The following HAUS5 variants were observed in gnomAD, a reference collection of about 807,000 sequenced individuals.
HAUS5 encodes HAUS augmin-like complex subunit 5.
Under a neutral mutation model 94.1 loss-of-function variants are expected in HAUS5, and 67 were observed. The ratio of observed to expected loss-of-function variants is 0.71; its 90% CI spans 0.58 to 0.87. The LOEUF is 0.87. Ranked by LOEUF, HAUS5 falls within the 40% of genes least tolerant of loss-of-function variation. HAUS5 has a pLI of 0.00. For synonymous variants in HAUS5, 339 were observed against 355.4 expected (o/e 0.95, Z 0.52); for missense variants, 739 against 825.6 (o/e 0.90, Z 1.29).
intron 1 of HAUS5, among the ~76,000 whole-genome samples, chr19:35,613,101 C>T (rs531101697): frequency 6.6e-6 from 1 of 152,294 alleles, no homozygotes; most frequent in Admixed American, 6.5e-5. Flanking sequence ...AGACCTCGCT[C>T]CTTATGGAAA....
chr19:35,618,315 T>A (rs550932004), intron 10 of HAUS5, 87 bp from the exon 11 acceptor site: 1 of 1,602,938 alleles, frequency 6.2e-7, no homozygotes, highest in South Asian at 1.1e-5. Flanking sequence ...CACTGCCTGG[T>A]GGGGTGGCAG....
chr19:35,621,687 T>C (rs1196206317), intron 17 of HAUS5, among the ~76,000 whole-genome samples: 2 of 152,118 alleles, frequency 1.3e-5, no homozygotes, highest in Non-Finnish European at 2.9e-5. Flanking sequence ...CCTGAATTTC[T>C]CCATCACCCT....
intron 6 of HAUS5, 146 bp from the exon 7 acceptor site, chr19:35,616,978 G>C (rs570168633): frequency 3.1e-6 from 2 of 647,652 alleles, no homozygotes; most frequent in Admixed American, 2.6e-5. Flanking sequence ...TTCCAGCTGG[G>C]AGGTGACAGT....
chr19:35,614,719 A>C (rs1416615834), intron 4 of HAUS5, among the ~76,000 whole-genome samples: 1 of 152,144 alleles, frequency 6.6e-6, no homozygotes, highest in Non-Finnish European at 1.5e-5. Flanking sequence ...TGTGGGACCC[A>C]ATGGGTGCAA....
chr19:35,618,588 G>T lies in HAUS5; in HGVS notation c.905G>T (p.Gly302Val). 6.2e-7 allele frequency: 1 copy of T among 1,605,350 alleles called. No homozygotes were observed. The highest frequency in any genetic ancestry group is 8.5e-7 in the Non-Finnish European group (1 of 1,173,650). ...HLIQEGWRTV[G>V]VLVSQRSTLL... is the part of the protein sequence containing the mutation. The stretch of plus-strand genomic sequence containing the variant: ...TTGCAGGAGGGCTGGCGGACTGTGG[G>T]TGTGCTGGTCTCCCAGCGGAGCACC... The change falls in exon 12 of 19, where the codon GGT (glycine) becomes GTT (valine). Residue 302 changes from glycine to valine, a missense_variant. Physicochemically the swap from Gly to Val is moderately radical, Grantham distance 109. Transcript: ENST00000203166.
At chr19:35,617,800 A>G (rs1465261524) in intron 8 of HAUS5, 55 bp from the exon 9 acceptor site, 6 of 1,455,876 alleles carry the variant, frequency 4.1e-6, no homozygotes, top group Non-Finnish European at 5.8e-6. Flanking sequence ...GGTGATAACT[A>G]GAGGATAATT....
intron 17 of HAUS5, among the ~76,000 whole-genome samples, chr19:35,622,261 G>C (rs1967219639): frequency 6.6e-6 from 1 of 151,980 alleles, no homozygotes; most frequent in Non-Finnish European, 1.5e-5. Context: ...GCCTGGAGCA[G>C]AGGAGAGGAA....
In HAUS5 at chr19:35,618,639, C is replaced by A; in HGVS notation, c.956C>A (p.Thr319Asn). 6.2e-7 allele frequency: 1 copy of A among 1,607,684 alleles called. No individual in the cohort carries two copies. Among genetic ancestry groups the A allele is most frequent in the East Asian group, 2.2e-5 (1 of 44,688 alleles). Residue 319 changes from threonine to asparagine, a missense_variant, in exon 12 of 19, where the codon ACC (threonine) becomes AAC (asparagine). Coordinates refer to ENST00000203166, the MANE Select transcript of HAUS5 (RefSeq NM_015302.2). ...CTCCTGAAGGAGCGGCAAGTCTTGA[C>A]CCAGCGCCTCCAGGGCCTGGTGGAG... ...STLLKERQVL[T>N]QRLQGLVEEV...
chr19:35,615,395 CAG>C lies in HAUS5; in HGVS notation c.485+10_485+11del. 1.9e-6 allele frequency: 3 copies of C among 1,598,592 alleles called. No homozygotes were observed. The Admixed American group carries it at 5.2e-5, about 28-fold the overall frequency. ...CTGCAGGACATGGAGAGGTGGGCCTCAGGGACCCACCCTCACCAGGCTGGGTG... is the reference window on the plus strand; with the variant it reads ...CTGCAGGACATGGAGAGGTGGGCCTCGGACCCACCCTCACCAGGCTGGGTG... On this transcript the variant is annotated intron_variant, in intron 6 of 18. Coordinates refer to ENST00000203166, the MANE Select transcript of HAUS5 (RefSeq NM_015302.2).
chr19:35,619,584 G>GCCCCCCCCCCCCCCCCCCCCCCCCC, intron 14 of HAUS5, 29 bp from the exon 15 acceptor site: 1 of 1,533,892 alleles, frequency 6.5e-7, no homozygotes, highest in Non-Finnish European at 8.9e-7. Flanking sequence ...ATGTTGTGAT[G>GCCCCCCCCCCCCCCCCCCCCCCCCC]CCCCACCCAC....
chr19:35,613,953 C>G, intron 3 of HAUS5, 53 bp downstream of exon 3: 1 of 1,607,760 alleles, frequency 6.2e-7, no homozygotes, highest in African/African-American at 1.3e-5. Context: ...CCATTTAGCC[C>G]TGTCCCCACC....
intron 6 of HAUS5, 95 bp downstream of exon 6, chr19:35,615,481 A>G: frequency 2.0e-6 from 2 of 984,302 alleles, no homozygotes; most frequent in South Asian, 3.3e-5. Flanking sequence ...GGGTTCCAGA[A>G]TTCTGGAACC....
Position 35,620,000 on chromosome 19 carries a change from C to A in HAUS5, c.1407-12C>A. The A allele has an allele frequency of 6.2e-7, 1 of 1,611,244 alleles. No homozygotes were observed. The highest frequency in any genetic ancestry group is 8.5e-7 in the Non-Finnish European group (1 of 1,178,186). On this transcript the variant is annotated splice_polypyrimidine_tract_variant and intron_variant, in intron 15 of 18. Coordinates refer to ENST00000203166, the MANE Select transcript of HAUS5 (RefSeq NM_015302.2). ...CAGTCCCCACCCAACCCAGACTTCT[C>A]CCCGCCCGTAGGTTGAAGCCCCTGC...
In HAUS5 at chr19:35,615,387, G is replaced by T. The variant is rs1296367659; in HGVS notation, c.485+1G>T. ...TGAGGCGCCTGCAGGACATGGAGAG[G>T]TGGGCCTCAGGGACCCACCCTCACC... On this transcript the variant is annotated splice_donor_variant, in intron 6 of 18. Transcript: ENST00000203166. LOFTEE classifies it high-confidence loss of function. The T allele has an allele frequency of 6.2e-7, 1 of 1,603,582 alleles. No individual in the cohort carries two copies. The highest frequency in any genetic ancestry group is 8.5e-7 in the Non-Finnish European group (1 of 1,175,692).
Position 35,623,624 on chromosome 19 carries a change from CTTT to C in HAUS5, c.*636_*638del, listed in dbSNP as rs1418545655. On this transcript the variant is annotated 3_prime_UTR_variant, in exon 19 of 19. Coordinates refer to ENST00000203166, the MANE Select transcript of HAUS5 (RefSeq NM_015302.2). ...GATTGCCTTCTAGTTTGTATAGTTT[CTTT>C]TTTTACATGTAAATCAGCCATTTGG... The C allele has an allele frequency of 6.6e-6, 1 of 152,210 alleles. No individual in the cohort carries two copies. The highest frequency in any genetic ancestry group is 2.4e-5 in the African/African-American group (1 of 41,426). The allele number at this position is 152,210 out of a possible 1,614,324, so 9.4% of individuals were successfully genotyped here.
chr19:35,618,804 C>T (rs1967152022), intron 12 of HAUS5, 83 bp from the exon 13 acceptor site: 1 of 1,522,178 alleles, frequency 6.6e-7, no homozygotes, highest in Non-Finnish European at 8.9e-7. Context: ...CCTCCTCTCC[C>T]TGCAGTGTCT....
chr19:35,615,003 C>T, intron 4 of HAUS5, 39 bp from the exon 5 acceptor site: 2 of 1,477,340 alleles, frequency 1.4e-6, no homozygotes, highest in Non-Finnish European at 9.3e-7. Flanking sequence ...CAGGCTGAGC[C>T]CCGATCAGAC....
At position 35,618,433 on chromosome 19, in the gene HAUS5, C is replaced by G; in HGVS notation, c.853C>G (p.Gln285Glu). 6.2e-7 allele frequency: 1 copy of G among 1,613,984 alleles called. No individual in the cohort carries two copies. Among genetic ancestry groups the G allele is most frequent in the Non-Finnish European group, 8.5e-7 (1 of 1,179,910 alleles). Reference protein sequence around the residue: ...PQAPDQSDSSQTLPSMVHLIQ... With the variant: ...PQAPDQSDSSETLPSMVHLIQ... ...GGCCCCGGACCAGTCAGACTCCAGC[C>G]AGACCCTGCCGTCCATGGTTCATCT... The change falls in exon 11 of 19, where the codon CAG becomes GAG. Residue 285 changes from glutamine (Q) to glutamate (E), a missense_variant. Transcript: ENST00000203166.
Position 35,620,252 on chromosome 19 carries a change from C to A in HAUS5, c.1576C>A (p.Gln526Lys), listed in dbSNP as rs750575803. 8 of 1,613,686 alleles carry A rather than the reference C, an allele frequency of 5.0e-6. No individual in the cohort carries two copies. The highest frequency in any genetic ancestry group is 5.9e-6 in the Non-Finnish European group (7 of 1,179,838). ...ASLRQDLLLL[Q>K]DQRSLWCWDL... ...TCTTCGCCAGGACCTTCTGCTCCTGCAGGACCAGCGGAGCCTCTGGTGCTG... is the reference window on the plus strand; with the variant it reads ...TCTTCGCCAGGACCTTCTGCTCCTGAAGGACCAGCGGAGCCTCTGGTGCTG... The change falls in exon 17 of 19, where the codon CAG becomes AAG. Residue 526 changes from glutamine to lysine, a missense_variant. Transcript: ENST00000203166.
Sources: allele counts gnomAD v4.1 joint callset (sites outside exome capture counted in the v4.1 genomes callset), GRCh38; gene constraint gnomAD v4.1.1; transcripts MANE v1.5; gene names NCBI Gene and HGNC (gene_info 2026-07-23, HGNC 2026-07-21).